LRMDA: variants seen among roughly 807,000 people sequenced by gnomAD.
LRMDA encodes leucine-rich melanocyte differentiation-associated protein.
A neutral mutation model predicts 29.8 loss-of-function variants in LRMDA; 18 were observed. The ratio of observed to expected loss-of-function variants is 0.60; its 90% CI spans 0.42 to 0.90. The LOEUF (loss-of-function observed/expected upper bound fraction) is 0.90, where lower values mean the gene tolerates loss of function less well. Ranked by LOEUF, LRMDA falls within the 40% of genes least tolerant of loss-of-function variation. The pLI is 0.00. For missense variants in LRMDA, 273 were observed against 273.9 expected, an observed-to-expected ratio of 1.00 and a Z score of 0.02; for synonymous variants, 125 against 109.4, an observed-to-expected ratio of 1.14 and a Z score of -0.89.
chr10:75,575,194 C>T (rs1036355600), intron 2 of LRMDA, among the ~76,000 whole-genome samples: 5 of 152,190 alleles, frequency 3.3e-5, no homozygotes, highest in African/African-American at 9.7e-5. Context: ...GCCCTGCCTA[C>T]AGCATTTGAG....
rs191491779 is a variant in LRMDA, at chr10:76,070,265, G to A, written c.516+11482G>A. ...AGGTAATTTTGGCTTGAGATGCTGG[G>A]GGGCAGGTACCTAAGTCAGCTTGGG... On this transcript the variant is annotated intron_variant, in intron 5 of 6. Transcript: ENST00000611255. Among the ~76,000 whole-genome samples, 182 of 152,286 alleles carry A rather than the reference G, an allele frequency of 1.2e-3. 3 individuals carry two copies. The highest frequency in any genetic ancestry group is 2.9e-4 in the Non-Finnish European group (20 of 68,024).
chr10:76,356,222 G>A (rs1456990054), intron 6 of LRMDA, among the ~76,000 whole-genome samples: 2 of 152,276 alleles, frequency 1.3e-5, no homozygotes, highest in East Asian at 3.9e-4. Flanking sequence ...GGAGATGGTA[G>A]TTATTATTCC....
chr10:75,950,892 G>T (rs543607078), intron 2 of LRMDA, among the ~76,000 whole-genome samples: 9 of 152,312 alleles, frequency 5.9e-5, no homozygotes, highest in African/African-American at 2.2e-4. Flanking sequence ...TTTCTATGTT[G>T]ATGTTTCATT....
At chr10:76,219,193 G>T (rs1851782819) in intron 5 of LRMDA, among the ~76,000 whole-genome samples, 1 of 152,186 alleles carries the variant, frequency 6.6e-6, no homozygotes, top group African/African-American at 2.4e-5. Flanking sequence ...AGGCTAGGAA[G>T]AAACTGCATC....
intron 5 of LRMDA, among the ~76,000 whole-genome samples, chr10:76,088,591 C>T (rs1205194422): frequency 1.3e-5 from 2 of 152,174 alleles, no homozygotes; most frequent in Non-Finnish European, 2.9e-5. Context: ...AAAGGGAAAT[C>T]TGTTGGGCAC....
intron 2 of LRMDA, among the ~76,000 whole-genome samples, chr10:75,945,775 T>C (rs999324058): frequency 6.6e-6 from 1 of 152,096 alleles, no homozygotes; most frequent in African/African-American, 2.4e-5. Flanking sequence ...TAAAACACCT[T>C]GTGTAGGGAA....
At chr10:75,443,191 CCTATTTCTT>C (rs1247366924) in intron 2 of LRMDA, among the ~76,000 whole-genome samples, 7 of 152,040 alleles carry the variant, frequency 4.6e-5, no homozygotes, top group African/African-American at 1.7e-4. Context: ...TTAAATGCCT[CCTATTTCTT>C]TTTTTGCCAA....
At chr10:76,553,851 C>A (rs915753618) in intron 6 of LRMDA, among the ~76,000 whole-genome samples, 1 of 152,066 alleles carries the variant, frequency 6.6e-6, no homozygotes, top group Non-Finnish European at 1.5e-5. Context: ...TCTCCCCGGG[C>A]GAGCACCAGC....
intron 5 of LRMDA, among the ~76,000 whole-genome samples, chr10:76,211,560 G>A (rs1202718171): frequency 2.6e-5 from 4 of 152,206 alleles, no homozygotes; most frequent in Admixed American, 2.0e-4. Flanking sequence ...ATGAATGACT[G>A]TACTTTAGAT....
chr10:76,439,737 A>G (rs949897493), intron 6 of LRMDA, among the ~76,000 whole-genome samples: 1 of 152,180 alleles, frequency 6.6e-6, no homozygotes, highest in African/African-American at 2.4e-5. Context: ...AGGTGCCAGC[A>G]GGGATGGATG....
intron 2 of LRMDA, among the ~76,000 whole-genome samples, chr10:76,012,117 A>G (rs1403929880): frequency 6.6e-6 from 1 of 152,174 alleles, no homozygotes; most frequent in Middle Eastern, 3.2e-3. Flanking sequence ...AGCCTTGCCC[A>G]AAGCTGGTTC....
At chr10:76,233,273 G>A (rs947887408) in intron 5 of LRMDA, among the ~76,000 whole-genome samples, 10 of 152,178 alleles carry the variant, frequency 6.6e-5, no homozygotes, top group Non-Finnish European at 1.5e-4. Flanking sequence ...AGTCTGTGAG[G>A]TGTATGATAA....
chr10:76,407,952 C>A (rs772710160), intron 6 of LRMDA, among the ~76,000 whole-genome samples: 3 of 152,126 alleles, frequency 2.0e-5, no homozygotes, highest in Non-Finnish European at 4.4e-5. Flanking sequence ...TAATAACTCT[C>A]AATACAATTA....
rs1300421229 is a variant in LRMDA, at chr10:76,222,165, C to T, written c.517-102236C>T. Among the ~76,000 whole-genome samples the T allele has an allele frequency of 2.6e-5, 4 of 151,848 alleles. No homozygotes were observed. In the East Asian group the frequency reaches 5.8e-4, roughly 22 times the overall value. The stretch of plus-strand genomic sequence containing the variant: ...ACATTAGACCTAAAACCATAAAAAC[C>T]CTAGAAGAAAACCTAGGCATTACCA... On this transcript the variant is annotated intron_variant, in intron 5 of 6. Transcript: ENST00000611255.
chr10:75,975,525 T>C (rs1278771744), intron 2 of LRMDA, among the ~76,000 whole-genome samples: 1 of 152,190 alleles, frequency 6.6e-6, no homozygotes, highest in African/African-American at 2.4e-5. Flanking sequence ...TGTGACACTC[T>C]TTGTGGAGTG....
intron 6 of LRMDA, among the ~76,000 whole-genome samples, chr10:76,479,113 T>A (rs181541119): frequency 4.5e-4 from 68 of 151,748 alleles, no homozygotes; most frequent in African/African-American, 1.5e-3. Flanking sequence ...TAAATTAGAA[T>A]GAAAGGTTTC....
intron 5 of LRMDA, among the ~76,000 whole-genome samples, chr10:76,205,734 G>C (rs1408174209): frequency 1.3e-5 from 2 of 152,180 alleles, no homozygotes; most frequent in Admixed American, 1.3e-4. Context: ...ATGGCAGAGA[G>C]TGGTGTTTCA....
chr10:76,534,342 G>T (rs1843269175), intron 6 of LRMDA, among the ~76,000 whole-genome samples: 1 of 152,150 alleles, frequency 6.6e-6, no homozygotes, highest in Admixed American at 6.5e-5. Flanking sequence ...GGCCACATGT[G>T]TGTATTTTAG....
chr10:75,969,412 C>A (rs1305224263), intron 2 of LRMDA, among the ~76,000 whole-genome samples: 1 of 152,164 alleles, frequency 6.6e-6, no homozygotes, highest in Non-Finnish European at 1.5e-5. Flanking sequence ...ATGTTAACAG[C>A]CATTTTTGGG....
Sources: gnomAD v4.1 joint callset for allele counts (sites outside exome capture counted in the v4.1 genomes callset) on GRCh38, gnomAD v4.1.1 for gene constraint, MANE v1.5 for transcripts, NCBI Gene and HGNC (gene_info 2026-07-23, HGNC 2026-07-21) for gene names.